The following YLPM1 variants were observed in gnomAD, a reference collection of about 807,000 sequenced individuals.
The protein encoded by YLPM1 is YLP motif containing 1.
YLPM1 carries 99 observed loss-of-function variants against 230.0 expected under a neutral mutation model. The observed-to-expected ratio is 0.43, with a 90% CI of 0.37 to 0.51. The LOEUF (loss-of-function observed/expected upper bound fraction) is 0.51. Among genes scored for constraint, YLPM1 ranks in the 20% least tolerant of loss-of-function variants. YLPM1 has a pLI of 0.00. For missense variants in YLPM1, 2,592 were observed against 2,707.7 expected (o/e 0.96, Z 0.95); for synonymous variants, 984 against 942.5 (o/e 1.04, Z -0.81).
intron 11 of YLPM1, 25 bp downstream of exon 11, chr14:74,812,807 C>G: frequency 6.2e-7 from 1 of 1,603,970 alleles, no homozygotes; most frequent in Non-Finnish European, 8.5e-7. Flanking sequence ...GTTGATTCGT[C>G]TTCGTGCAAA....
intron 6 of YLPM1, 57 bp from the exon 7 acceptor site, chr14:74,809,323 G>T: frequency 6.6e-7 from 1 of 1,519,594 alleles, no homozygotes; most frequent in South Asian, 1.3e-5. Context: ...AATTTCCACT[G>T]ATCTATAAAA....
chr14:74,795,354 C>T (rs145506725), intron 4 of YLPM1, among the ~76,000 whole-genome samples: 210 of 152,274 alleles, frequency 1.4e-3, no homozygotes, highest in South Asian at 3.5e-3. Context: ...CCTAAAGTCA[C>T]AGGGATAGGA....
chr14:74,791,289 A>T (rs1209671517), intron 4 of YLPM1, among the ~76,000 whole-genome samples: 1 of 152,164 alleles, frequency 6.6e-6, no homozygotes, highest in African/African-American at 2.4e-5. Flanking sequence ...AAAAAAAATC[A>T]AATAGTGATA....
chr14:74,829,467 A>G (rs901539493), intron 19 of YLPM1, 124 bp downstream of exon 19: 9 of 1,337,652 alleles, frequency 6.7e-6, no homozygotes, highest in African/African-American at 5.8e-5. Flanking sequence ...ACGCTATGTC[A>G]TGTATCCCAA....
intron 6 of YLPM1, among the ~76,000 whole-genome samples, chr14:74,803,114 C>A (rs1481318673): frequency 6.6e-6 from 1 of 151,416 alleles, no homozygotes; most frequent in Non-Finnish European, 1.5e-5. Context: ...AAAAAAAAGT[C>A]CTGTTTTCCA....
At chr14:74,775,593 A>G (rs1435050777) in intron 1 of YLPM1, among the ~76,000 whole-genome samples, 3 of 152,214 alleles carry the variant, frequency 2.0e-5, no homozygotes, top group Non-Finnish European at 4.4e-5. Context: ...GTCTGGAAAA[A>G]CAAAGCTCAA....
chr14:74,794,170 C>T (rs893429084), intron 4 of YLPM1, among the ~76,000 whole-genome samples: 1 of 152,012 alleles, frequency 6.6e-6, no homozygotes, highest in African/African-American at 2.4e-5. Flanking sequence ...ACTCCATTTC[C>T]CAAAATTCCC....
chr14:74,802,142 C>T (rs887172307), intron 5 of YLPM1, among the ~76,000 whole-genome samples: 4 of 150,698 alleles, frequency 2.7e-5, no homozygotes, highest in African/African-American at 9.8e-5. Context: ...CACTTGAACC[C>T]GGGAGGCAGA....
At chr14:74,811,829 G>A (rs1420878730) in intron 10 of YLPM1, 91 bp downstream of exon 10, 3 of 875,884 alleles carry the variant, frequency 3.4e-6, no homozygotes, top group Non-Finnish European at 5.0e-6. Flanking sequence ...AACTTTTAGA[G>A]TAAAACGTAT....
At position 74,770,570 on chromosome 14, in the gene YLPM1, A is replaced by G. The variant is rs991076463; in HGVS notation, c.873+6208A>G. 3.9e-5 allele frequency among the ~76,000 whole-genome samples: 6 copies of G among 152,146 alleles called. No homozygotes were observed. The East Asian group carries it at 9.7e-4, about 25-fold the overall frequency. On this transcript the variant is annotated intron_variant, in intron 1 of 20. Coordinates refer to ENST00000325680, the MANE Select transcript of YLPM1 (RefSeq NM_019589.3). ...AACCCAGGAGGCAGAGGTTGCAGTG[A>G]GCCAAGATTGCCCCACTGCTCTCTA...
At chr14:74,815,737 GGTTAA>G (rs1186056008) in intron 11 of YLPM1, among the ~76,000 whole-genome samples, 1 of 152,032 alleles carries the variant, frequency 6.6e-6, no homozygotes, top group African/African-American at 2.4e-5. Flanking sequence ...TAAAGTGGAT[GGTTAA>G]GTTATTGATT....
At position 74,771,374 on chromosome 14, in the gene YLPM1, T is replaced by G. The variant is rs75868744; in HGVS notation, c.873+7012T>G. Among the ~76,000 whole-genome samples the G allele has an allele frequency of 6.7e-3, 1,019 of 152,250 alleles. 6 individuals carry two copies. The highest frequency in any genetic ancestry group is 0.024 in the Middle Eastern group (7 of 294). On this transcript the variant is annotated intron_variant, in intron 1 of 20. Coordinates refer to ENST00000325680, the MANE Select transcript of YLPM1 (RefSeq NM_019589.3). Reference sequence around the variant, plus strand: ...AGTAAGAACTGAGGTTAAAGGACATTAAGCCTAGCTCCACAAATAGCAGTA... The same window carrying G: ...AGTAAGAACTGAGGTTAAAGGACATGAAGCCTAGCTCCACAAATAGCAGTA...
chr14:74,781,559 A>T lies in YLPM1; in HGVS notation c.1516A>T (p.Met506Leu), dbSNP rs890875130. ...GGAGAAAGTCAATTCATTTCAGAAC[A>T]TGAAGAACCAGTATATGGGGAACAT... is the stretch of plus-strand genomic sequence containing the variant. Reference protein sequence around the residue: ...LQEKVNSFQNMKNQYMGNMSM... With the variant: ...LQEKVNSFQNLKNQYMGNMSM... Residue 506 changes from methionine (M) to leucine (L), a missense_variant, in exon 4 of 21, where the codon ATG becomes TTG. Physicochemically the swap from Met to Leu is conservative, Grantham distance 15. Coordinates refer to ENST00000325680, the MANE Select transcript of YLPM1 (RefSeq NM_019589.3). The T allele has an allele frequency of 2.5e-6, 4 of 1,613,884 alleles. No homozygotes were observed. In the African/African-American group the frequency reaches 5.3e-5, roughly 22 times the overall value.
chr14:74,824,339 T>A (rs2091546196), intron 18 of YLPM1, 32 bp downstream of exon 18: 1 of 1,597,344 alleles, frequency 6.3e-7, no homozygotes, highest in Non-Finnish European at 8.6e-7. Flanking sequence ...TTTTTATATG[T>A]GATACCTGAT....
At position 74,781,727 on chromosome 14, in the gene YLPM1, C is replaced by T; in HGVS notation, c.1684C>T (p.Pro562Ser). ...PATVPPPGMP[P>S]PVMPPSLPTS... ...TACAGTGCCACCACCTGGCATGCCC[C>T]CACCTGTTATGCCACCTTCTCTACC... is the stretch of plus-strand genomic sequence containing the variant. Residue 562 changes from proline (P) to serine (S), a missense_variant, in exon 4 of 21, where the codon CCA becomes TCA. Coordinates refer to ENST00000325680, the MANE Select transcript of YLPM1 (RefSeq NM_019589.3). 1 of 1,613,154 alleles carries T rather than the reference C, an allele frequency of 6.2e-7. No homozygotes were observed. The highest frequency in any genetic ancestry group is 2.2e-5 in the East Asian group (1 of 44,848).
At chr14:74,820,574 C>T (rs35561501) in intron 16 of YLPM1, among the ~76,000 whole-genome samples, 262 of 152,222 alleles carry the variant, frequency 1.7e-3, no homozygotes, top group Non-Finnish European at 3.0e-3. Context: ...CCCTTGTGAC[C>T]TGTCATGTAG....
chr14:74,835,330 C>G lies in YLPM1; in HGVS notation c.6360C>G (p.Val2120=), dbSNP rs372259639. The G allele has an allele frequency of 5.0e-6, 8 of 1,613,556 alleles. No individual in the cohort carries two copies. The highest frequency in any genetic ancestry group is 6.8e-6 in the Non-Finnish European group (8 of 1,179,748). Residue 2120 remains valine, a synonymous_variant, in exon 20 of 21, where the codon GTC becomes GTG. Transcript: ENST00000325680. The part of the protein sequence containing the change: ...ADRKRAIGFV[V]GQTDWEKITD... ...GGAAAAGGGCCATAGGTTTTGTGGTCGGACAGACTGATTGGGAGAAGATCA... is the reference window on the plus strand; with the variant it reads ...GGAAAAGGGCCATAGGTTTTGTGGTGGGACAGACTGATTGGGAGAAGATCA...
intron 1 of YLPM1, among the ~76,000 whole-genome samples, chr14:74,778,172 C>G (rs2091060136): frequency 6.6e-6 from 1 of 152,146 alleles, no homozygotes; most frequent in East Asian, 1.9e-4. Flanking sequence ...AAAGATGGCT[C>G]TTACCTCCAA....
chr14:74,767,426 A>G (rs968258029), intron 1 of YLPM1, among the ~76,000 whole-genome samples: 1 of 152,204 alleles, frequency 6.6e-6, no homozygotes, highest in African/African-American at 2.4e-5. Flanking sequence ...GAGTCCAAAC[A>G]GAATACTGAA....
Sources: gnomAD v4.1 joint callset for allele counts (sites outside exome capture counted in the v4.1 genomes callset) on GRCh38, gnomAD v4.1.1 for gene constraint, MANE v1.5 for transcripts, NCBI Gene and HGNC (gene_info 2026-07-23, HGNC 2026-07-21) for gene names.